The following GRID2 variants were observed in gnomAD, a reference collection of about 807,000 sequenced individuals.
GRID2 encodes the protein glutamate ionotropic receptor delta type subunit 2, also known as glutamate receptor ionotropic, delta-2.
GRID2 carries 33 observed loss-of-function variants against 114.8 expected under a neutral mutation model. The ratio of observed to expected loss-of-function variants is 0.29; its 90% confidence interval spans 0.22 to 0.38. GRID2 has a LOEUF of 0.38. Among genes scored for constraint, GRID2 ranks in the 10% least tolerant of loss-of-function variants. The pLI is 1.00. For missense variants in GRID2, 1,184 were observed against 1,257.7 expected (o/e 0.94, Z 0.89); for synonymous variants, 505 against 449.9 (o/e 1.12, Z -1.55).
At chr4:92,355,130 T>C (rs1728256501) in intron 1 of GRID2, among the ~76,000 whole-genome samples, 1 of 151,946 alleles carries the variant, frequency 6.6e-6, no homozygotes, top group Non-Finnish European at 1.5e-5. Flanking sequence ...AATGTATTTG[T>C]TTTCATGCTT....
At chr4:93,341,084 C>A (rs1027484161) in intron 8 of GRID2, among the ~76,000 whole-genome samples, 1 of 152,078 alleles carries the variant, frequency 6.6e-6, no homozygotes, top group African/African-American at 2.4e-5. Flanking sequence ...ACCAGATATA[C>A]AGAAATCTTT....
intron 8 of GRID2, among the ~76,000 whole-genome samples, chr4:93,334,150 A>G (rs551519594): frequency 2.6e-5 from 4 of 152,338 alleles, no homozygotes; most frequent in African/African-American, 7.2e-5. Context: ...CTTTGATTCC[A>G]GTCCAAGTTG....
chr4:93,442,265 T>C (rs1045033449), intron 10 of GRID2, among the ~76,000 whole-genome samples: 2 of 152,062 alleles, frequency 1.3e-5, no homozygotes, highest in Admixed American at 1.3e-4. Context: ...AGTTTGGGCA[T>C]TTCAGTCAGC....
chr4:93,514,536 G>A (rs993775774), intron 12 of GRID2, among the ~76,000 whole-genome samples: 3 of 151,872 alleles, frequency 2.0e-5, no homozygotes, highest in African/African-American at 7.3e-5. Context: ...TATGGTCTTT[G>A]AGGCTGGACA....
At chr4:92,419,461 C>T (rs534312678) in intron 1 of GRID2, among the ~76,000 whole-genome samples, 18 of 151,950 alleles carry the variant, frequency 1.2e-4, no homozygotes, top group South Asian at 2.1e-4. Flanking sequence ...ATTAAGATGA[C>T]GGATAAAATA....
intron 1 of GRID2, among the ~76,000 whole-genome samples, chr4:92,390,850 CTAAGA>C (rs1369822675): frequency 1.3e-5 from 2 of 152,034 alleles, no homozygotes; most frequent in African/African-American, 2.4e-5. Context: ...GTTTTTCTCA[CTAAGA>C]TAAAAGTTCC....
chr4:93,468,679 T>C (rs1724519389), intron 11 of GRID2, among the ~76,000 whole-genome samples: 1 of 152,032 alleles, frequency 6.6e-6, no homozygotes, highest in Admixed American at 6.6e-5. Flanking sequence ...TCAGATGAGA[T>C]TGACCTTTGT....
At chr4:93,133,492 T>C (rs896189978) in intron 4 of GRID2, among the ~76,000 whole-genome samples, 1 of 152,212 alleles carries the variant, frequency 6.6e-6, no homozygotes, top group Non-Finnish European at 1.5e-5. Context: ...TGTAATTTGG[T>C]ACATAATAAA....
intron 2 of GRID2, among the ~76,000 whole-genome samples, chr4:92,994,454 G>T (rs1168366104): frequency 6.6e-6 from 1 of 151,972 alleles, no homozygotes; most frequent in African/African-American, 2.4e-5. Flanking sequence ...CTGGGTTCAG[G>T]TGATTCTCCT....
chr4:92,866,995 C>G (rs1319194960), intron 2 of GRID2, among the ~76,000 whole-genome samples: 4 of 152,100 alleles, frequency 2.6e-5, no homozygotes, highest in Admixed American at 2.6e-4. Context: ...TTATGTCCAT[C>G]ATATTATCAT....
intron 14 of GRID2, among the ~76,000 whole-genome samples, chr4:93,650,775 A>G (rs1318273668): frequency 1.3e-5 from 2 of 152,116 alleles, no homozygotes; most frequent in African/African-American, 4.8e-5. Flanking sequence ...GAGAAAATTA[A>G]CCTGTTCAAA....
chr4:92,858,720 G>A (rs868370020), intron 2 of GRID2, among the ~76,000 whole-genome samples: 2 of 152,004 alleles, frequency 1.3e-5, no homozygotes, highest in Non-Finnish European at 2.9e-5. Flanking sequence ...ACCACACCTG[G>A]CTAATTTTTT....
chr4:92,352,922 T>C (rs1229330414), intron 1 of GRID2, among the ~76,000 whole-genome samples: 3 of 151,928 alleles, frequency 2.0e-5, no homozygotes, highest in African/African-American at 7.2e-5. Context: ...GTGTCTTCCA[T>C]CAAGTTTGAG....
At chr4:93,052,574 AT>A (rs1726825606) in intron 2 of GRID2, among the ~76,000 whole-genome samples, 1 of 151,966 alleles carries the variant, frequency 6.6e-6, no homozygotes, top group South Asian at 2.1e-4. Flanking sequence ...ATCTAAACAT[AT>A]CTATATGTAG....
At chr4:92,887,267 C>G (rs753972403) in intron 2 of GRID2, among the ~76,000 whole-genome samples, 1 of 152,196 alleles carries the variant, frequency 6.6e-6, no homozygotes. Flanking sequence ...GAGGGTGCCC[C>G]AACTCAGCGT....
intron 8 of GRID2, among the ~76,000 whole-genome samples, chr4:93,338,411 G>C (rs1053437516): frequency 6.6e-6 from 1 of 152,114 alleles, no homozygotes; most frequent in African/African-American, 2.4e-5. Context: ...CAGTTGGGAG[G>C]GGACGTGCAG....
chr4:92,652,922 A>ATAAATATATATAAACATATATT (rs1732030324), intron 2 of GRID2, among the ~76,000 whole-genome samples: 1 of 131,498 alleles, frequency 7.6e-6, no homozygotes, highest in Admixed American at 7.7e-5. Context: ...TTATAAATAC[A>ATAAATATATATAAACATATATT]TATAAATATA....
At chr4:93,214,444 G>A (rs986796493) in intron 5 of GRID2, among the ~76,000 whole-genome samples, 7 of 152,060 alleles carry the variant, frequency 4.6e-5, no homozygotes, top group Middle Eastern at 3.4e-3. Context: ...GTAAAGTTCC[G>A]TAAATATAAA....
At chr4:93,801,320 T>C (rs780097967) in intron 1 of GRID2, among the ~76,000 whole-genome samples, 18 of 152,124 alleles carry the variant, frequency 1.2e-4, no homozygotes, top group Non-Finnish European at 2.5e-4. Context: ...TAAAATTGAG[T>C]TTAATTTGAA....
Sources: gnomAD v4.1 joint callset for allele counts (sites outside exome capture counted in the v4.1 genomes callset) on GRCh38, gnomAD v4.1.1 for gene constraint, MANE v1.5 for transcripts, NCBI Gene and HGNC (gene_info 2026-07-23, HGNC 2026-07-21) for gene names.